DIAPH3: variants seen among roughly 807,000 people sequenced by gnomAD.
DIAPH3 encodes protein diaphanous homolog 3.
DIAPH3 carries 117 observed loss-of-function variants against 144.3 expected under a neutral mutation model. The observed-to-expected ratio is 0.81, with a 90% CI of 0.70 to 0.95. The LOEUF is 0.95. Ranked by LOEUF, DIAPH3 falls within the 40% of genes least tolerant of loss-of-function variation. The pLI is 0.00. For synonymous variants in DIAPH3, 519 were observed against 488.9 expected (o/e 1.06, Z -0.81); for missense variants, 1,421 against 1,412.7 (o/e 1.01, Z -0.09).
At chr13:60,137,527 T>G (rs2059315377) in intron 1 of DIAPH3, among the ~76,000 whole-genome samples, 1 of 152,184 alleles carries the variant, frequency 6.6e-6, no homozygotes, top group Admixed American at 6.5e-5. Context: ...GCCCAAGACT[T>G]TTCGCAAATT....
At chr13:59,878,081 A>G (rs543174811) in intron 21 of DIAPH3, among the ~76,000 whole-genome samples, 1 of 152,238 alleles carries the variant, frequency 6.6e-6, no homozygotes, top group East Asian at 1.9e-4. Flanking sequence ...CATGTATGCC[A>G]GGTAAATATT....
At position 59,783,837 on chromosome 13, in the gene DIAPH3, C is replaced by T. The variant is rs887431187; in HGVS notation, c.3164-9014G>A. 5.3e-5 allele frequency among the ~76,000 whole-genome samples: 8 copies of T among 152,088 alleles called. No homozygotes were observed. The South Asian group carries it at 1.7e-3, about 32-fold the overall frequency. On this transcript the variant is annotated intron_variant, in intron 25 of 27. Transcript: ENST00000400324. ...CTAACAGTGAATCTTTGTTATTTTG[C>T]TTATTGATATTATGGTAGAGCTTGA...
At chr13:59,741,319 GA>G (rs1310258373) in intron 27 of DIAPH3, among the ~76,000 whole-genome samples, 1 of 151,986 alleles carries the variant, frequency 6.6e-6, no homozygotes, top group South Asian at 2.1e-4. Context: ...AGAGGGGAAA[GA>G]AAAAAATTAT....
At chr13:60,058,872 G>T (rs150502966) in intron 4 of DIAPH3, among the ~76,000 whole-genome samples, 1 of 151,848 alleles carries the variant, frequency 6.6e-6, no homozygotes, top group Non-Finnish European at 1.5e-5. Context: ...GGCATACAGC[G>T]TGGTATAATA....
At chr13:60,152,609 GAGATAA>G (rs1028336730) in intron 1 of DIAPH3, among the ~76,000 whole-genome samples, 39 of 151,246 alleles carry the variant, frequency 2.6e-4, no homozygotes, top group Non-Finnish European at 4.4e-4. Context: ...AGATTAGAAG[GAGATAA>G]AGATAAGAAG....
intron 3 of DIAPH3, among the ~76,000 whole-genome samples, chr13:60,103,914 C>G (rs1299530300): frequency 1.3e-5 from 2 of 152,104 alleles, no homozygotes; most frequent in Non-Finnish European, 2.9e-5. Context: ...ATCAAACGGT[C>G]AAGCTTTTCA....
At chr13:59,989,870 TAA>T (rs1403515284) in intron 12 of DIAPH3, among the ~76,000 whole-genome samples, 1 of 151,874 alleles carries the variant, frequency 6.6e-6, no homozygotes, top group African/African-American at 2.4e-5. Context: ...ACAACAGTCT[TAA>T]ATTCTTGGGT....
chr13:60,023,546 G>A (rs2054167384), intron 5 of DIAPH3, among the ~76,000 whole-genome samples: 1 of 151,426 alleles, frequency 6.6e-6, no homozygotes, highest in South Asian at 2.1e-4. Flanking sequence ...CAATTATCCT[G>A]CCTTAGCCTC....
intron 17 of DIAPH3, among the ~76,000 whole-genome samples, chr13:59,931,763 C>T (rs74549901): frequency 8.5e-5 from 13 of 152,222 alleles, no homozygotes; most frequent in South Asian, 6.2e-4. Context: ...TTTAGATAAA[C>T]GATGGTGATG....
intron 4 of DIAPH3, among the ~76,000 whole-genome samples, chr13:60,047,627 G>T (rs1040625509): frequency 6.6e-6 from 1 of 152,130 alleles, no homozygotes; most frequent in Non-Finnish European, 1.5e-5. Flanking sequence ...GAAAGAAAGT[G>T]AACCTGGATC....
chr13:60,128,842 T>A (rs551962178), intron 2 of DIAPH3, among the ~76,000 whole-genome samples: 1 of 151,964 alleles, frequency 6.6e-6, no homozygotes, highest in East Asian at 1.9e-4. Flanking sequence ...AATAAAAAGA[T>A]CAGAATTCAT....
intron 22 of DIAPH3, among the ~76,000 whole-genome samples, chr13:59,844,686 G>A (rs2042538385): frequency 6.6e-6 from 1 of 151,752 alleles, no homozygotes; most frequent in Non-Finnish European, 1.5e-5. Flanking sequence ...TCATTCTTTG[G>A]AAGAAAACTA....
intron 5 of DIAPH3, among the ~76,000 whole-genome samples, chr13:60,038,696 T>G (rs2055407394): frequency 1.3e-5 from 2 of 152,152 alleles, no homozygotes; most frequent in Admixed American, 1.3e-4. Context: ...AATTTGAAAA[T>G]GAAAATTTTA....
intron 17 of DIAPH3, among the ~76,000 whole-genome samples, chr13:59,941,657 A>C (rs1463410339): frequency 6.6e-6 from 1 of 152,148 alleles, no homozygotes; most frequent in Non-Finnish European, 1.5e-5. Context: ...GGTTAATGGG[A>C]GATGTAAAAG....
intron 5 of DIAPH3, among the ~76,000 whole-genome samples, chr13:60,031,735 T>C: frequency 8.7e-6 from 1 of 115,220 alleles, no homozygotes; most frequent in South Asian, 3.2e-4. Context: ...ATTAAATCTT[T>C]TTTTTTTTTT....
chr13:59,992,118 T>C lies in DIAPH3; in HGVS notation c.1194A>G (p.Glu398=). Reference sequence around the variant, plus strand: ...GGCGATGGGATAACTCAAACAAATCTTCTTCTTTATGCTCATCAAAGACTT... The same window carrying C: ...GGCGATGGGATAACTCAAACAAATCCTCTTCTTTATGCTCATCAAAGACTT... ...QLKVFDEHKE[E]DLFELSHRLE... is the part of the protein sequence containing the mutation. The change falls in exon 11 of 28, where the codon GAA becomes GAG. Residue 398 remains glutamate (E), a synonymous_variant. Transcript: ENST00000400324. 1 of 1,612,064 alleles carries C rather than the reference T, an allele frequency of 6.2e-7. No homozygotes were observed. The highest frequency in any genetic ancestry group is 8.5e-7 in the Non-Finnish European group (1 of 1,178,804).
chr13:59,889,416 TTA>T (rs1410823049), intron 20 of DIAPH3, among the ~76,000 whole-genome samples: 3 of 152,088 alleles, frequency 2.0e-5, no homozygotes, highest in Non-Finnish European at 4.4e-5. Flanking sequence ...AATTTTTAAT[TTA>T]GTTATTGAAC....
intron 4 of DIAPH3, among the ~76,000 whole-genome samples, chr13:60,073,108 A>T (rs1256067864): frequency 1.3e-5 from 2 of 152,188 alleles, no homozygotes; most frequent in East Asian, 3.9e-4. Context: ...CAGGAGTTCA[A>T]GACCAGGCTG....
chr13:59,954,542 A>G (rs757382677), intron 17 of DIAPH3, among the ~76,000 whole-genome samples: 20 of 152,208 alleles, frequency 1.3e-4, no homozygotes, highest in Non-Finnish European at 2.6e-4. Context: ...TGACCATGTC[A>G]GGTGGTTAGT....
Sources: allele counts gnomAD v4.1 joint callset (sites outside exome capture counted in the v4.1 genomes callset), GRCh38; gene constraint gnomAD v4.1.1; transcripts MANE v1.5; gene names NCBI Gene and HGNC (gene_info 2026-07-23, HGNC 2026-07-21).